RUNX1: variants seen among roughly 807,000 people sequenced by gnomAD.
The protein encoded by RUNX1 is runt-related transcription factor 1.
A neutral mutation model predicts 42.8 loss-of-function variants in RUNX1; 19 were observed. The observed-to-expected ratio is 0.44, with a 90% CI of 0.31 to 0.65. The LOEUF is 0.65. Ranked by LOEUF, RUNX1 falls within the 30% of genes least tolerant of loss-of-function variation. The probability of loss-of-function intolerance (pLI) is 0.07; values close to 1 mark genes in which losing one functional copy is unlikely to be tolerated. For missense variants in RUNX1, 528 were observed against 672.0 expected (o/e 0.79, Z 2.37); for synonymous variants, 271 against 289.4 (o/e 0.94, Z 0.64).
At chr21:34,931,346 AT>A (rs1859051545) in intron 2 of RUNX1, among the ~76,000 whole-genome samples, 1 of 146,098 alleles carries the variant, frequency 6.8e-6, no homozygotes, top group South Asian at 2.1e-4. Flanking sequence ...TTATATATAT[AT>A]ATACATGTGT....
chr21:35,037,972 G>A (rs368008221), intron 2 of RUNX1, among the ~76,000 whole-genome samples: 5 of 150,426 alleles, frequency 3.3e-5, no homozygotes, highest in Non-Finnish European at 5.9e-5. Flanking sequence ...GAACAGCTTC[G>A]GGGCCACGTT....
chr21:34,816,266 G>C (rs1400958044), intron 7 of RUNX1, among the ~76,000 whole-genome samples: 1 of 152,200 alleles, frequency 6.6e-6, no homozygotes, highest in Non-Finnish European at 1.5e-5. Flanking sequence ...TTTCTCTGCA[G>C]CTCTGGGCTA....
At chr21:34,946,712 C>G (rs1197461655) in intron 2 of RUNX1, among the ~76,000 whole-genome samples, 1 of 152,246 alleles carries the variant, frequency 6.6e-6, no homozygotes, top group African/African-American at 2.4e-5. Context: ...CAAGAGCTTC[C>G]TGGGTCAGGG....
At chr21:34,961,675 G>A (rs1381559860) in intron 2 of RUNX1, among the ~76,000 whole-genome samples, 2 of 152,302 alleles carry the variant, frequency 1.3e-5, no homozygotes, top group Middle Eastern at 3.4e-3. Context: ...CGTAAGTCAG[G>A]CGGTTACAGT....
intron 7 of RUNX1, chr21:34,832,935 A>C (rs1419060942): frequency 6.6e-6 from 1 of 152,208 alleles, no homozygotes. Flanking sequence ...CTCCACAGAC[A>C]GGCCACTTAG....
intron 6 of RUNX1, among the ~76,000 whole-genome samples, chr21:34,849,411 A>AT (rs1491445551): frequency 3.4e-5 from 2 of 58,152 alleles, no homozygotes; most frequent in Non-Finnish European, 3.2e-5. Flanking sequence ...TACTATATAT[A>AT]ATATATTATA....
At chr21:34,848,883 G>A (rs1373761743) in intron 6 of RUNX1, among the ~76,000 whole-genome samples, 1 of 152,074 alleles carries the variant, frequency 6.6e-6, no homozygotes, top group Non-Finnish European at 1.5e-5. Flanking sequence ...TGAAAATAAG[G>A]TGGTACCAGG....
chr21:34,864,275 T>C (rs367876619), intron 5 of RUNX1, among the ~76,000 whole-genome samples: 2 of 152,338 alleles, frequency 1.3e-5, no homozygotes, highest in East Asian at 1.9e-4. Context: ...AGGCCTGGTA[T>C]TTTAAGTACA....
At chr21:34,919,228 T>C (rs892659865) in intron 2 of RUNX1, among the ~76,000 whole-genome samples, 1 of 152,188 alleles carries the variant, frequency 6.6e-6, no homozygotes, top group Non-Finnish European at 1.5e-5. Flanking sequence ...TCGAAGCTGT[T>C]TCCCTTGGTA....
intron 2 of RUNX1, among the ~76,000 whole-genome samples, chr21:34,981,820 A>G (rs1403475747): frequency 6.6e-6 from 1 of 151,958 alleles, no homozygotes; most frequent in Non-Finnish European, 1.5e-5. Flanking sequence ...CAATGGCTGT[A>G]TCTGTTTCCT....
intron 2 of RUNX1, among the ~76,000 whole-genome samples, chr21:34,923,883 GT>G (rs2058372879): frequency 8.8e-6 from 1 of 113,150 alleles, no homozygotes; most frequent in Non-Finnish European, 1.8e-5. Flanking sequence ...GCTGAGCCAT[GT>G]CTCTCGCGTT....
At position 34,907,766 on chromosome 21, in the gene RUNX1, A is replaced by G. The variant is rs760923914; in HGVS notation, c.59-14803T>C. 1.1e-4 allele frequency among the ~76,000 whole-genome samples: 16 copies of G among 152,234 alleles called. No individual in the cohort carries two copies. The highest frequency in any genetic ancestry group is 2.1e-4 in the Non-Finnish European group (14 of 68,038). The stretch of plus-strand genomic sequence containing the variant: ...AGGTGAAGGATTATTATGAAATAAA[A>G]CAGAGTGAAGCTGTTTTGAAGGCCA... On this transcript the variant is annotated intron_variant, in intron 2 of 8. Coordinates refer to ENST00000675419, the MANE Select transcript of RUNX1 (RefSeq NM_001754.5). This position sits in a 1 kb window ranked among gnomAD's most constrained non-coding sequence, Gnocchi z 5.3.
chr21:34,989,506 C>T (rs182851285), intron 2 of RUNX1, among the ~76,000 whole-genome samples: 2 of 152,184 alleles, frequency 1.3e-5, no homozygotes, highest in East Asian at 3.9e-4. Flanking sequence ...AAGCCAGGGT[C>T]TTTCCCAGGC....
chr21:34,974,866 A>G (rs1374070757), intron 2 of RUNX1, among the ~76,000 whole-genome samples: 1 of 152,228 alleles, frequency 6.6e-6, no homozygotes, highest in Non-Finnish European at 1.5e-5. Context: ...TAAGTAACAG[A>G]CTGTGACGTT....
rs548865550 is a variant in RUNX1 at position 35,014,932 on chromosome 21, C to T, written c.58+33910G>A. Reference sequence around the variant, plus strand: ...GCCTGGTCTTCCCTCCCTGGGTTTCCCACAAGGTCTGGATAGCAGAGCATA... The same window carrying T: ...GCCTGGTCTTCCCTCCCTGGGTTTCTCACAAGGTCTGGATAGCAGAGCATA... On this transcript the variant is annotated intron_variant, in intron 2 of 8. Transcript: ENST00000675419. Among the ~76,000 whole-genome samples the T allele has an allele frequency of 3.3e-5, 5 of 152,334 alleles. No individual in the cohort carries two copies. In the South Asian group the frequency reaches 1.0e-3, roughly 32 times the overall value.
chr21:35,034,359 G>C (rs1354661004), intron 2 of RUNX1, among the ~76,000 whole-genome samples: 1 of 152,168 alleles, frequency 6.6e-6, no homozygotes. Context: ...CTGACTGTCA[G>C]TTTTTGTGGA....
At chr21:35,021,742 G>C (rs1412437740) in intron 2 of RUNX1, among the ~76,000 whole-genome samples, 2 of 152,220 alleles carry the variant, frequency 1.3e-5, no homozygotes, top group African/African-American at 2.4e-5. Context: ...GCTGAGCCCT[G>C]AGATCAGGAC....
chr21:34,813,407 T>C (rs2056783338), intron 7 of RUNX1, among the ~76,000 whole-genome samples: 1 of 152,076 alleles, frequency 6.6e-6, no homozygotes, highest in African/African-American at 2.4e-5. Context: ...TAACACAGCA[T>C]TGTCCCCTGG....
At chr21:34,957,931 G>A (rs763867895) in intron 2 of RUNX1, among the ~76,000 whole-genome samples, 3 of 152,106 alleles carry the variant, frequency 2.0e-5, no homozygotes, top group East Asian at 1.9e-4. Context: ...CCTTTTGCCC[G>A]TCAGGCCACC....
Sources: gnomAD v4.1 joint callset for allele counts (sites outside exome capture counted in the v4.1 genomes callset) on GRCh38, gnomAD v4.1.1 for gene constraint, Gnocchi (gnomAD v3.1) non-coding constraint, MANE v1.5 for transcripts, NCBI Gene and HGNC (gene_info 2026-07-23, HGNC 2026-07-21) for gene names.